AKT3: variants seen among roughly 807,000 people sequenced by gnomAD.
The protein encoded by AKT3 is RAC-gamma serine/threonine-protein kinase.
Under a neutral mutation model 65.3 loss-of-function variants are expected in AKT3, and 15 were observed. The ratio of observed to expected loss-of-function variants is 0.23; its 90% CI spans 0.15 to 0.35. AKT3 has a LOEUF of 0.35. AKT3 is among the 10% of genes least tolerant of loss of function. The pLI is 1.00. For synonymous variants in AKT3, 206 were observed against 183.8 expected, an observed-to-expected ratio of 1.12 and a Z score of -0.98; for missense variants, 243 against 576.5, an observed-to-expected ratio of 0.42 and a Z score of 5.92.
At chr1:243,713,746 T>A (rs972535195) in intron 2 of AKT3, among the ~76,000 whole-genome samples, 2,429 of 82,850 alleles carry the variant, frequency 0.029, no homozygotes, top group African/African-American at 0.039. Context: ...TTTGCCTTAA[T>A]AAAAAAAAAA....
chr1:243,834,897 A>AT (rs978626396), intron 2 of AKT3, among the ~76,000 whole-genome samples: 1 of 152,198 alleles, frequency 6.6e-6, no homozygotes, highest in Non-Finnish European at 1.5e-5. Context: ...TAAGGCAAAA[A>AT]ATATATAACA....
intron 2 of AKT3, among the ~76,000 whole-genome samples, chr1:243,761,279 GAAAC>G (rs2148245032): frequency 6.6e-6 from 1 of 152,214 alleles, no homozygotes; most frequent in Non-Finnish European, 1.5e-5. Flanking sequence ...ATTTGGAAGA[GAAAC>G]AAATTTTGAG....
chr1:243,799,796 C>A (rs898953758), intron 2 of AKT3, among the ~76,000 whole-genome samples: 4 of 152,126 alleles, frequency 2.6e-5, no homozygotes, highest in African/African-American at 9.7e-5. Flanking sequence ...AATTTTTAAA[C>A]AAAGCACACA....
At chr1:243,541,811 A>G (rs1672340524) in intron 12 of AKT3, among the ~76,000 whole-genome samples, 2 of 152,240 alleles carry the variant, frequency 1.3e-5, no homozygotes. Flanking sequence ...TAAGTAATCT[A>G]CAAAAAAGGT....
rs369887012 is a variant in AKT3 at position 243,508,655 on chromosome 1, CTTTTTTT to C, written c.1355-3328_1355-3322del. Among the ~76,000 whole-genome samples the C allele has an allele frequency of 2.3e-3, 246 of 108,274 alleles. 4 individuals are homozygous for C. The highest frequency in any genetic ancestry group is 0.015 in the Middle Eastern group (3 of 198). 71.0% of individuals were successfully genotyped at this position (108,274 alleles called of 152,430 possible). A position where few individuals can be genotyped will look rare whatever the true frequency, so the allele number is the denominator to read the frequency against. On this transcript the variant is annotated intron_variant, in intron 13 of 13. Coordinates refer to ENST00000673466, the MANE Select transcript of AKT3 (RefSeq NM_005465.7). ...ATTTCTGACACCCACAAAAGCCAGA[CTTTTTTT>C]TTTTTTTTTTTTTTTTTTTAAAAGA...
At chr1:243,673,674 C>T (rs1360444988) in intron 3 of AKT3, among the ~76,000 whole-genome samples, 3 of 139,300 alleles carry the variant, frequency 2.2e-5, no homozygotes, top group Non-Finnish European at 1.5e-5. Flanking sequence ...AGTGCAGTGG[C>T]GCGATCTCGG....
chr1:243,528,500 G>C (rs1330555284), intron 12 of AKT3, among the ~76,000 whole-genome samples: 1 of 152,040 alleles, frequency 6.6e-6, no homozygotes, highest in Non-Finnish European at 1.5e-5. Context: ...GTAGGCCTTG[G>C]TGTCTGCTCT....
intron 2 of AKT3, among the ~76,000 whole-genome samples, chr1:243,718,994 T>A (rs929593643): frequency 6.6e-6 from 1 of 152,238 alleles, no homozygotes; most frequent in South Asian, 2.1e-4. Flanking sequence ...ATAATTCCCT[T>A]AGGGATAATT....
chr1:243,820,032 C>T (rs923610427), intron 2 of AKT3, among the ~76,000 whole-genome samples: 22 of 152,214 alleles, frequency 1.4e-4, no homozygotes, highest in African/African-American at 5.3e-4. Flanking sequence ...AATTCTCCTG[C>T]CTCAGCCTCC....
At chr1:243,727,633 G>A (rs192173244) in intron 2 of AKT3, among the ~76,000 whole-genome samples, 1 of 152,200 alleles carries the variant, frequency 6.6e-6, no homozygotes, top group African/African-American at 2.4e-5. Flanking sequence ...TTTATAGGCT[G>A]AAATTGCAAA....
At chr1:243,794,012 C>A (rs1691790814) in intron 2 of AKT3, among the ~76,000 whole-genome samples, 1 of 152,102 alleles carries the variant, frequency 6.6e-6, no homozygotes, top group African/African-American at 2.4e-5. Context: ...ATCCATGTAG[C>A]CATTTTACCA....
In AKT3 at chr1:243,501,664, G is replaced by A. The variant is rs527315754; in HGVS notation, c.*3585C>T. On this transcript the variant is annotated 3_prime_UTR_variant, in exon 14 of 14. Coordinates refer to ENST00000673466, the MANE Select transcript of AKT3 (RefSeq NM_005465.7). ...TCCTGTCACATTTTATACAAGGTAG[G>A]TTAATACCAGCTGGGGCTATTAAAA... 1 of 233,006 alleles carries A rather than the reference G, an allele frequency of 4.3e-6. No homozygotes were observed. The highest frequency in any genetic ancestry group is 6.0e-5 in the East Asian group (1 of 16,532). The allele number at this position is 233,006 out of a possible 1,614,324, so 14.4% of individuals were successfully genotyped here. A position where few individuals can be genotyped will look rare whatever the true frequency, so the allele number is the denominator to read the frequency against.
Position 243,802,035 on chromosome 1 carries a change from A to G in AKT3, c.46+41090T>C, listed in dbSNP as rs555596134. On this transcript the variant is annotated intron_variant, in intron 2 of 13. Coordinates refer to ENST00000673466, the MANE Select transcript of AKT3 (RefSeq NM_005465.7). ...ATATATATGGAAAATACTACACTAA[A>G]AAGTTTGCATACATTATTTCCTTTG... Among the ~76,000 whole-genome samples, 58 of 152,330 alleles carry G rather than the reference A, an allele frequency of 3.8e-4. 1 individual carries two copies. Among genetic ancestry groups the G allele is most frequent in the African/African-American group, 1.3e-3 (54 of 41,590 alleles).
chr1:243,521,208 C>T (rs1300441291), intron 12 of AKT3, among the ~76,000 whole-genome samples: 1 of 152,178 alleles, frequency 6.6e-6, no homozygotes, highest in Non-Finnish European at 1.5e-5. Context: ...GTGGTTATTT[C>T]CACCACTTTG....
rs1677040349 is a variant in AKT3 at position 243,601,995 on chromosome 1, C to T, written c.696+11676G>A. Among the ~76,000 whole-genome samples, 2 of 152,138 alleles carry T rather than the reference C, an allele frequency of 1.3e-5. 1 individual carries two copies. Among genetic ancestry groups the T allele is most frequent in the Admixed American group, 1.3e-4 (2 of 15,262 alleles). On this transcript the variant is annotated intron_variant, in intron 8 of 13. Transcript: ENST00000673466. ...AAGAAGTTTGACTACCTTGAAATGGCCATGCTCTGCCATAACCACATGGAA... is the reference window on the plus strand; with the variant it reads ...AAGAAGTTTGACTACCTTGAAATGGTCATGCTCTGCCATAACCACATGGAA...
chr1:243,792,230 G>A (rs963845008), intron 2 of AKT3, among the ~76,000 whole-genome samples: 1 of 152,048 alleles, frequency 6.6e-6, no homozygotes, highest in Non-Finnish European at 1.5e-5. Flanking sequence ...CTACCATCAT[G>A]ATTCTAATAA....
At position 243,501,283 on chromosome 1, in the gene AKT3, G is replaced by A. The variant is rs550016430; in HGVS notation, c.*3966C>T. ...CATCCTACCCATCTACATCACCCAC[G>A]TCTAAGTTTGTTAATTTGCCATGAC... On this transcript the variant is annotated 3_prime_UTR_variant, in exon 14 of 14. Coordinates refer to ENST00000673466, the MANE Select transcript of AKT3 (RefSeq NM_005465.7). 12 of 232,884 alleles carry A rather than the reference G, an allele frequency of 5.2e-5. No homozygotes were observed. The highest frequency in any genetic ancestry group is 6.8e-5 in the Non-Finnish European group (8 of 117,890). 14.4% of individuals were successfully genotyped at this position (232,884 alleles called of 1,614,324 possible). A position where few individuals can be genotyped will look rare whatever the true frequency, so the allele number is the denominator to read the frequency against.
intron 2 of AKT3, among the ~76,000 whole-genome samples, chr1:243,759,002 G>A (rs1689323342): frequency 6.6e-6 from 1 of 152,200 alleles, no homozygotes; most frequent in African/African-American, 2.4e-5. Context: ...AAGTTAAGTA[G>A]GATCAGTGGG....
chr1:243,501,505 C>T lies in AKT3; in HGVS notation c.*3744G>A, dbSNP rs1669296262. 4.3e-6 allele frequency: 1 copy of T among 233,132 alleles called. No homozygotes were observed. The highest frequency in any genetic ancestry group is 2.2e-5 in the African/African-American group (1 of 45,308). 14.4% of individuals were successfully genotyped at this position (233,132 alleles called of 1,614,324 possible). A position where few individuals can be genotyped will look rare whatever the true frequency, so the allele number is the denominator to read the frequency against. ...CAGTACATCCATCCTAAATCCAGTG[C>T]TGAGAGGTCAGCGTTTCCCCTCAGA... On this transcript the variant is annotated 3_prime_UTR_variant, in exon 14 of 14. Coordinates refer to ENST00000673466, the MANE Select transcript of AKT3 (RefSeq NM_005465.7).
Sources: allele counts gnomAD v4.1 joint callset (sites outside exome capture counted in the v4.1 genomes callset), GRCh38; gene constraint gnomAD v4.1.1; transcripts MANE v1.5; gene names NCBI Gene and HGNC (gene_info 2026-07-23, HGNC 2026-07-21).